Variants in RGS9 observed in about 807,000 individuals in gnomAD.
RGS9 encodes the protein regulator of G-protein signalling 9.
Under a neutral mutation model 102.0 loss-of-function variants are expected in RGS9, and 78 were observed. The ratio of observed to expected loss-of-function variants is 0.76; its 90% CI spans 0.64 to 0.92. RGS9 has a LOEUF of 0.92. Ranked by LOEUF, RGS9 falls within the 40% of genes least tolerant of loss-of-function variation. The probability of loss-of-function intolerance (pLI) is 0.00; values close to 1 mark genes in which losing one functional copy is unlikely to be tolerated. For missense variants in RGS9, 833 were observed against 866.1 expected, an observed-to-expected ratio of 0.96 and a Z score of 0.48; for synonymous variants, 353 against 318.6, an observed-to-expected ratio of 1.11 and a Z score of -1.15.
chr17:65,175,366 T>A (rs1034081192), intron 8 of RGS9, among the ~76,000 whole-genome samples: 2 of 152,122 alleles, frequency 1.3e-5, no homozygotes, highest in African/African-American at 2.4e-5. Flanking sequence ...CCATACCAGA[T>A]TCAGGGGGCA....
chr17:65,212,815 C>T (rs1567891998), intron 17 of RGS9, among the ~76,000 whole-genome samples: 1 of 152,286 alleles, frequency 6.6e-6, no homozygotes, highest in East Asian at 1.9e-4. Context: ...GGAGTCTTCC[C>T]ACTCTGGAAG....
chr17:65,226,892 G>T (rs549985266), intron 18 of RGS9, among the ~76,000 whole-genome samples: 38 of 152,308 alleles, frequency 2.5e-4, no homozygotes, highest in African/African-American at 8.7e-4. Flanking sequence ...TAAGATTACA[G>T]GCATGAGCCA....
intron 9 of RGS9, among the ~76,000 whole-genome samples, chr17:65,182,128 C>G (rs1911908300): frequency 6.6e-6 from 1 of 152,208 alleles, no homozygotes. Context: ...GGCGAGTATA[C>G]AGATCTTTTG....
chr17:65,183,485 C>T lies in RGS9; in HGVS notation c.654+5682C>T, dbSNP rs139474168. ...CTAATTTTTGTATTTTTAGTAGAGA[C>T]GGGGTTTCACCATGTTGCCCAGGCT... On this transcript the variant is annotated intron_variant, in intron 9 of 18. Transcript: ENST00000262406. 3.9e-4 allele frequency among the ~76,000 whole-genome samples: 60 copies of T among 152,148 alleles called. No homozygotes were observed. The South Asian group carries it at 0.011, about 27-fold the overall frequency.
chr17:65,158,435 G>T, intron 3 of RGS9, 90 bp downstream of exon 3: 2 of 1,228,966 alleles, frequency 1.6e-6, no homozygotes, highest in East Asian at 2.3e-5. Context: ...CTGTGTTTCT[G>T]AGAAATTTAC....
chr17:65,220,699 G>A (rs973928225), intron 17 of RGS9, among the ~76,000 whole-genome samples: 2 of 152,194 alleles, frequency 1.3e-5, no homozygotes, highest in South Asian at 2.1e-4. Flanking sequence ...GTGGCCCCAA[G>A]GTCTCTTTCA....
rs1438214383 is a variant in RGS9 at position 65,153,533 on chromosome 17, A to C, written c.154+15A>C. 6.2e-7 allele frequency: 1 copy of C among 1,602,632 alleles called. No individual in the cohort carries two copies. Reference sequence around the variant, plus strand: ...TGCCATGACAGGTGATGTAGCTTGCACTTTAGTCTTGGCCTGGAATAGACC... The same window carrying C: ...TGCCATGACAGGTGATGTAGCTTGCCCTTTAGTCTTGGCCTGGAATAGACC... On this transcript the variant is annotated intron_variant, in intron 2 of 18. Coordinates refer to ENST00000262406, the MANE Select transcript of RGS9 (RefSeq NM_003835.4).
At chr17:65,194,718 T>C (rs1194117832) in intron 12 of RGS9, among the ~76,000 whole-genome samples, 1 of 151,744 alleles carries the variant, frequency 6.6e-6, no homozygotes, top group Non-Finnish European at 1.5e-5. Flanking sequence ...AATGGTCAAA[T>C]TAGAGGGAGA....
rs768758549 is a variant in RGS9, at chr17:65,160,325, C to T, written c.298C>T (p.Leu100Phe). Reference protein sequence around the residue: ...KNLILKPDGSLYRFQTPYFWP... With the variant: ...KNLILKPDGSFYRFQTPYFWP... Reference sequence around the variant, plus strand: ...TCTCATTCTCAAGCCTGATGGCAGCCTCTACAGATTTCAGGTGAGTCTTGG... The same window carrying T: ...TCTCATTCTCAAGCCTGATGGCAGCTTCTACAGATTTCAGGTGAGTCTTGG... Residue 100 changes from leucine (L) to phenylalanine (F), a missense_variant, in exon 4 of 19, where the codon CTC (leucine) becomes TTC (phenylalanine). Physicochemically the swap from Leu to Phe is conservative, Grantham distance 22. Transcript: ENST00000262406. The T allele has an allele frequency of 1.1e-5, 18 of 1,613,648 alleles. No individual in the cohort carries two copies. Among genetic ancestry groups the T allele is most frequent in the Middle Eastern group, 1.6e-4 (1 of 6,062 alleles).
chr17:65,197,269 A>T, intron 13 of RGS9, 28 bp downstream of exon 13: 1 of 1,419,410 alleles, frequency 7.0e-7, no homozygotes, highest in Non-Finnish European at 9.9e-7. Flanking sequence ...AAAAAAAATT[A>T]AAATAACTTA....
intron 13 of RGS9, among the ~76,000 whole-genome samples, chr17:65,199,006 G>A (rs1912712291): frequency 6.6e-6 from 1 of 152,124 alleles, no homozygotes; most frequent in South Asian, 2.1e-4. Flanking sequence ...TAATTCCTTA[G>A]TGAGAATCCA....
intron 9 of RGS9, among the ~76,000 whole-genome samples, chr17:65,185,904 C>G (rs1301596991): frequency 2.0e-5 from 3 of 152,168 alleles, no homozygotes; most frequent in African/African-American, 7.2e-5. Context: ...CCTGCAGGGC[C>G]CAGAGAACAC....
chr17:65,160,727 G>T, intron 5 of RGS9, 124 bp from the exon 6 acceptor site: 1 of 1,384,584 alleles, frequency 7.2e-7, no homozygotes, highest in Non-Finnish European at 1.0e-6. Context: ...GTCCCCAGGG[G>T]CAAGGGGCTG....
chr17:65,149,031 G>C (rs1047352117), intron 1 of RGS9, among the ~76,000 whole-genome samples: 5 of 151,654 alleles, frequency 3.3e-5, no homozygotes, highest in Admixed American at 3.3e-4. Flanking sequence ...ACGTGATCTC[G>C]GCTCATTGCA....
chr17:65,215,478 A>C (rs9916789), intron 17 of RGS9, among the ~76,000 whole-genome samples: 252 of 114,908 alleles, frequency 2.2e-3, no homozygotes, highest in African/African-American at 8.0e-3. Context: ...TTCTTTCTCT[A>C]TCTTTCTTTC....
chr17:65,204,208 C>T lies in RGS9; in HGVS notation c.1110C>T (p.Gly370=). ...PGARRWINID[G]KTMDITVKGL... ...CGAGGCGCTGGATCAACATAGATGG[C>T]AAAACCATGGACATCACAGTGAAGG... The change falls in exon 15 of 19, where the codon GGC becomes GGT. Residue 370 remains glycine (G), a synonymous_variant. Coordinates refer to ENST00000262406, the MANE Select transcript of RGS9 (RefSeq NM_003835.4). 6.2e-7 allele frequency: 1 copy of T among 1,613,250 alleles called. No individual in the cohort carries two copies. The highest frequency in any genetic ancestry group is 8.5e-7 in the Non-Finnish European group (1 of 1,180,038).
intron 1 of RGS9, among the ~76,000 whole-genome samples, chr17:65,151,152 G>A (rs1910563194): frequency 6.6e-6 from 1 of 152,016 alleles, no homozygotes; most frequent in Non-Finnish European, 1.5e-5. Context: ...TGAGACCAGC[G>A]TGGCCAACAT....
intron 9 of RGS9, among the ~76,000 whole-genome samples, chr17:65,186,162 TTTTA>T (rs60422854): frequency 0.15 from 20,461 of 137,850 alleles, 1,629 homozygotes; most frequent in Admixed American, 0.21. Flanking sequence ...TTGGTTTACA[TTTTA>T]TTTATTTATT....
At position 65,149,419 on chromosome 17, in the gene RGS9, A is replaced by G. The variant is rs573604485; in HGVS notation, c.58-4003A>G. On this transcript the variant is annotated intron_variant, in intron 1 of 18. Coordinates refer to ENST00000262406, the MANE Select transcript of RGS9 (RefSeq NM_003835.4). ...AGACTCCTAGCTTTCATATTAGTTA[A>G]CTTTTCATTTTCATGTAACTGTCTG... 1.6e-3 allele frequency among the ~76,000 whole-genome samples: 247 copies of G among 152,244 alleles called. 1 individual carries two copies. Among genetic ancestry groups the G allele is most frequent in the Non-Finnish European group, 3.0e-3 (203 of 68,010 alleles).
Sources: gnomAD v4.1 joint callset for allele counts (sites outside exome capture counted in the v4.1 genomes callset) on GRCh38, gnomAD v4.1.1 for gene constraint, MANE v1.5 for transcripts, NCBI Gene and HGNC (gene_info 2026-07-23, HGNC 2026-07-21) for gene names.